The following PCLO variants were observed in gnomAD, a reference collection of about 807,000 sequenced individuals.
The protein encoded by PCLO is protein piccolo.
Under a neutral mutation model 427.5 loss-of-function variants are expected in PCLO, and 82 were observed. The observed-to-expected ratio is 0.19, with a 90% CI of 0.16 to 0.23. PCLO has a LOEUF of 0.23. Ranked by LOEUF, PCLO falls within the 10% of genes least tolerant of loss-of-function variation. PCLO has a pLI of 1.00. For missense variants in PCLO, 6,239 were observed against 6,115.9 expected, an observed-to-expected ratio of 1.02 and a Z score of -0.67; for synonymous variants, 2,357 against 2,155.4, an observed-to-expected ratio of 1.09 and a Z score of -2.59.
intron 3 of PCLO, among the ~76,000 whole-genome samples, chr7:83,066,235 A>G (rs1789667824): frequency 6.6e-6 from 1 of 152,114 alleles, no homozygotes; most frequent in Non-Finnish European, 1.5e-5. Flanking sequence ...TCACTGCTCA[A>G]AACTTATCAA....
At chr7:82,891,762 T>C (rs933270598) in intron 9 of PCLO, among the ~76,000 whole-genome samples, 60 of 152,242 alleles carry the variant, frequency 3.9e-4, no homozygotes, top group African/African-American at 1.4e-3. Context: ...TTGAATTTTG[T>C]CAAAGGCCTT....
intron 3 of PCLO, among the ~76,000 whole-genome samples, chr7:82,973,565 T>A (rs1283391680): frequency 6.6e-6 from 1 of 151,880 alleles, no homozygotes; most frequent in Non-Finnish European, 1.5e-5. Context: ...ACTAGAGTTA[T>A]CATTCCTAGG....
intron 3 of PCLO, among the ~76,000 whole-genome samples, chr7:83,086,435 G>C (rs1224292497): frequency 1.3e-5 from 2 of 151,990 alleles, no homozygotes; most frequent in East Asian, 3.8e-4. Context: ...ACTAAATAAA[G>C]GGGGTGAAAA....
At chr7:82,821,030 AC>A in intron 20 of PCLO, 1 of 1,200,362 alleles carries the variant, frequency 8.3e-7, no homozygotes, top group Non-Finnish European at 1.0e-6. Context: ...ATTTTATCAG[AC>A]AATCTCTAAA....
chr7:82,993,951 T>C (rs987541950), intron 3 of PCLO, among the ~76,000 whole-genome samples: 1 of 151,762 alleles, frequency 6.6e-6, no homozygotes, highest in African/African-American at 2.4e-5. Flanking sequence ...CTAGGCCTTG[T>C]CATAATAAGA....
intron 7 of PCLO, among the ~76,000 whole-genome samples, chr7:82,911,900 C>T (rs779553837): frequency 2.0e-5 from 3 of 152,100 alleles, no homozygotes; most frequent in South Asian, 4.1e-4. Context: ...GAATTACAGG[C>T]GTGAGCCACC....
chr7:83,102,563 A>G (rs1305675356), intron 3 of PCLO, among the ~76,000 whole-genome samples: 1 of 151,990 alleles, frequency 6.6e-6, no homozygotes, highest in Non-Finnish European at 1.5e-5. Flanking sequence ...ATTTTGTGAT[A>G]TCAGGCAAGT....
chr7:82,859,258 A>G (rs1312436133), intron 10 of PCLO, among the ~76,000 whole-genome samples: 1 of 152,190 alleles, frequency 6.6e-6, no homozygotes, highest in Non-Finnish European at 1.5e-5. Flanking sequence ...GAGTGAACAT[A>G]GGCAATAGAC....
intron 18 of PCLO, 125 bp from the exon 19 acceptor site, chr7:82,824,541 T>C (rs564858834): frequency 1.4e-5 from 7 of 515,942 alleles, no homozygotes; most frequent in South Asian, 8.2e-5. Context: ...CTTTTGAGGA[T>C]GATGATTCTT....
chr7:83,035,679 C>A (rs1039096799), intron 3 of PCLO, among the ~76,000 whole-genome samples: 1 of 151,806 alleles, frequency 6.6e-6, no homozygotes. Flanking sequence ...ATCTTTGACG[C>A]GTTTATTTTA....
rs1243973263 is a variant in PCLO, at chr7:82,754,565, A to G, written c.*4010T>C. 1.3e-5 allele frequency: 2 copies of G among 152,128 alleles called. No individual in the cohort carries two copies. The highest frequency in any genetic ancestry group is 6.5e-5 in the Admixed American group (1 of 15,270). 9.4% of individuals were successfully genotyped at this position (152,128 alleles called of 1,614,324 possible). On this transcript the variant is annotated 3_prime_UTR_variant, in exon 25 of 25. Coordinates refer to ENST00000333891, the MANE Select transcript of PCLO (RefSeq NM_033026.6). ...TGAAATTAATATTTCAACTTCGTCT[A>G]CTTTACCAAGTGTATACTTATGTAC...
chr7:82,882,672 A>G (rs960928969), intron 9 of PCLO, among the ~76,000 whole-genome samples: 11 of 152,286 alleles, frequency 7.2e-5, no homozygotes, highest in African/African-American at 2.6e-4. Context: ...GAGAAATTCA[A>G]TGATAAAAGT....
intron 2 of PCLO, among the ~76,000 whole-genome samples, chr7:83,142,852 G>A (rs752079255): frequency 6.6e-6 from 1 of 152,034 alleles, no homozygotes; most frequent in Non-Finnish European, 1.5e-5. Flanking sequence ...CCAGCTACTC[G>A]GGAGGCTGAG....
intron 9 of PCLO, among the ~76,000 whole-genome samples, chr7:82,893,577 A>G (rs1412887652): frequency 6.6e-6 from 1 of 152,028 alleles, no homozygotes; most frequent in African/African-American, 2.4e-5. Context: ...TATAATAAAT[A>G]AAAATAATAA....
chr7:82,823,243 C>T (rs1261758408), intron 19 of PCLO, among the ~76,000 whole-genome samples: 1 of 152,130 alleles, frequency 6.6e-6, no homozygotes, highest in African/African-American at 2.4e-5. Flanking sequence ...CTATAAAACT[C>T]ATTCATAAAT....
intron 3 of PCLO, among the ~76,000 whole-genome samples, chr7:83,091,394 T>G (rs1056870982): frequency 6.6e-6 from 1 of 152,108 alleles, no homozygotes; most frequent in Non-Finnish European, 1.5e-5. Context: ...TGTCAGTACT[T>G]TGACACTTCT....
chr7:82,821,924 A>G, intron 20 of PCLO: 1 of 985,666 alleles, frequency 1.0e-6, no homozygotes, highest in Non-Finnish European at 1.2e-6. Context: ...GAAAGCTACC[A>G]TATTTCAGAA....
rs772549759 is a variant in PCLO at position 82,954,780 on chromosome 7, A to C, written c.6173T>G (p.Leu2058Arg). 6.2e-7 allele frequency: 1 copy of C among 1,613,726 alleles called. No individual in the cohort carries two copies. ...TTCATAGGCAGCATCAGCATCTAGT[A>C]GTTTCCTTTCTTCTTCTGTAGAAGT... ...MVTSTEEERK[L>R]LDADAAYEEL... is the part of the protein sequence containing the mutation. The change falls in exon 5 of 25, where the codon CTA becomes CGA. Residue 2058 changes from leucine to arginine, a missense_variant. By Grantham distance (102) the Leu-to-Arg change is moderately radical. Coordinates refer to ENST00000333891, the MANE Select transcript of PCLO (RefSeq NM_033026.6).
At chr7:82,776,135 C>T (rs1167043889) in intron 22 of PCLO, among the ~76,000 whole-genome samples, 1 of 151,834 alleles carries the variant, frequency 6.6e-6, no homozygotes, top group Admixed American at 6.6e-5. Context: ...TTTATTTTTT[C>T]CCTTGCAATT....
Sources: allele counts gnomAD v4.1 joint callset (sites outside exome capture counted in the v4.1 genomes callset), GRCh38; gene constraint gnomAD v4.1.1; transcripts MANE v1.5; gene names NCBI Gene and HGNC (gene_info 2026-07-23, HGNC 2026-07-21).